NTM: variants seen among roughly 807,000 people sequenced by gnomAD.
The protein encoded by NTM is neurotrimin, also known as IgLON family member 2.
In NTM, 13 loss-of-function variants were observed where a neutral mutation model predicts 42.1. The observed-to-expected ratio is 0.31, with a 90% confidence interval of 0.20 to 0.49. The LOEUF is 0.49. NTM is among the 20% of genes least tolerant of loss of function. The pLI is 0.99. For missense variants in NTM, 373 were observed against 452.8 expected (o/e 0.82, Z 1.60); for synonymous variants, 187 against 179.2 (o/e 1.04, Z -0.35).
At chr11:131,809,192 T>C (rs939909005) in intron 1 of NTM, among the ~76,000 whole-genome samples, 2 of 152,232 alleles carry the variant, frequency 1.3e-5, no homozygotes, top group African/African-American at 2.4e-5. Context: ...CTTTAGTCCC[T>C]TCCAGGATTT....
At chr11:131,928,200 G>C (rs1353966713) in intron 2 of NTM, among the ~76,000 whole-genome samples, 1 of 151,718 alleles carries the variant, frequency 6.6e-6, no homozygotes, top group East Asian at 1.9e-4. Flanking sequence ...TGCTTTACAA[G>C]GGTTACCCAA....
chr11:132,094,206 T>C (rs187450004), intron 2 of NTM, among the ~76,000 whole-genome samples: 221 of 152,304 alleles, frequency 1.5e-3, no homozygotes, highest in Non-Finnish European at 2.6e-3. Flanking sequence ...AGGCTGAACT[T>C]AAAATATATA....
intron 1 of NTM, among the ~76,000 whole-genome samples, chr11:131,386,253 A>G (rs982039098): frequency 2.6e-5 from 4 of 152,234 alleles, no homozygotes; most frequent in Admixed American, 1.3e-4. Context: ...ACTTTCACGA[A>G]GTACCTAGGG....
chr11:132,009,872 A>G lies in NTM; in HGVS notation c.167+98224A>G, dbSNP rs964985454. On this transcript the variant is annotated intron_variant, in intron 2 of 8. Coordinates refer to ENST00000683400, the MANE Select transcript of NTM (RefSeq NM_001352005.2). ...TCAGAGGAACAGAAGGATGGAGAAG[A>G]GAGACCATATTTTGTGGTTTAAGGA... Among the ~76,000 whole-genome samples, 3 of 152,216 alleles carry G rather than the reference A, an allele frequency of 2.0e-5. No homozygotes were observed. The South Asian group carries it at 6.2e-4, about 32-fold the overall frequency.
At chr11:131,548,103 G>T (rs2054180381) in intron 1 of NTM, among the ~76,000 whole-genome samples, 1 of 152,184 alleles carries the variant, frequency 6.6e-6, no homozygotes, top group African/African-American at 2.4e-5. Flanking sequence ...GTGAAATAGG[G>T]ATAATAATAC....
Position 132,146,327 on chromosome 11 carries a change from C to T in NTM, c.213C>T (p.Arg71=). The part of the protein sequence containing the change: ...NRVTRVAWLN[R]STILYAGNDK... ...TCACCCGGGTGGCCTGGCTAAACCG[C>T]AGCACCATCCTCTATGCTGGGAATG... Residue 71 remains arginine, a synonymous_variant, in exon 3 of 9, where the codon CGC becomes CGT. Transcript: ENST00000683400. The surrounding 1 kb of genome is among the most constrained non-coding windows in gnomAD (Gnocchi z 4.5). 1.2e-6 allele frequency: 2 copies of T among 1,614,236 alleles called. No homozygotes were observed. The highest frequency in any genetic ancestry group is 1.7e-6 in the Non-Finnish European group (2 of 1,180,044).
chr11:131,395,544 G>A (rs913747034), intron 1 of NTM, among the ~76,000 whole-genome samples: 1 of 152,038 alleles, frequency 6.6e-6, no homozygotes, highest in Admixed American at 6.6e-5. Context: ...AACTCCTGTG[G>A]CTATTTATAA....
intron 1 of NTM, among the ~76,000 whole-genome samples, chr11:131,793,752 C>T (rs1036365688): frequency 6.6e-6 from 1 of 152,164 alleles, no homozygotes; most frequent in Non-Finnish European, 1.5e-5. Context: ...AGTTAGAGGT[C>T]CTGGCAGAAG....
chr11:131,960,010 G>A (rs1457047344), intron 2 of NTM, among the ~76,000 whole-genome samples: 1 of 152,202 alleles, frequency 6.6e-6, no homozygotes, highest in East Asian at 1.9e-4. Flanking sequence ...AGGCAGTGGA[G>A]GGTAGTTGTG....
At chr11:132,303,297 C>G (rs772494240) in intron 4 of NTM, among the ~76,000 whole-genome samples, 20 of 152,338 alleles carry the variant, frequency 1.3e-4, no homozygotes, top group African/African-American at 4.8e-4. Flanking sequence ...GGACCATGCT[C>G]TCTCTGACAG....
intron 7 of NTM, among the ~76,000 whole-genome samples, chr11:132,315,269 C>A (rs895985137): frequency 6.6e-6 from 1 of 152,206 alleles, no homozygotes; most frequent in East Asian, 1.9e-4. Flanking sequence ...CGTCACATAT[C>A]TGGCTACTGT....
At chr11:131,832,491 C>G (rs1284244413) in intron 1 of NTM, among the ~76,000 whole-genome samples, 2 of 152,136 alleles carry the variant, frequency 1.3e-5, no homozygotes, top group Non-Finnish European at 1.5e-5. Flanking sequence ...TACTATAAGC[C>G]TTAATTTTAA....
At chr11:132,047,877 T>C (rs1050565461) in intron 2 of NTM, among the ~76,000 whole-genome samples, 1 of 152,222 alleles carries the variant, frequency 6.6e-6, no homozygotes. Context: ...AGACCTCCTG[T>C]TGAGGTCAAA....
intron 1 of NTM, among the ~76,000 whole-genome samples, chr11:131,720,174 C>T (rs2078168850): frequency 6.6e-6 from 1 of 152,158 alleles, no homozygotes; most frequent in South Asian, 2.1e-4. Context: ...ATACATTGTG[C>T]CAGGTAGTGT....
At chr11:131,377,884 A>G (rs1942180528) in intron 1 of NTM, among the ~76,000 whole-genome samples, 1 of 152,206 alleles carries the variant, frequency 6.6e-6, no homozygotes. Context: ...ATGAACAAGA[A>G]CAGGTAATTA....
intron 1 of NTM, among the ~76,000 whole-genome samples, chr11:131,713,786 G>T (rs1209885604): frequency 6.6e-6 from 1 of 152,174 alleles, no homozygotes; most frequent in Admixed American, 6.5e-5. Flanking sequence ...AGGGGCATAA[G>T]GCAGGAGAGA....
intron 1 of NTM, among the ~76,000 whole-genome samples, chr11:131,849,426 G>A (rs530222330): frequency 2.6e-5 from 4 of 152,174 alleles, no homozygotes; most frequent in Admixed American, 6.5e-5. Context: ...GAGCAGACAC[G>A]ACAGTGGTGA....
At chr11:132,253,236 C>T (rs181655859) in intron 4 of NTM, among the ~76,000 whole-genome samples, 4 of 152,214 alleles carry the variant, frequency 2.6e-5, no homozygotes, top group Admixed American at 1.3e-4. Context: ...CTGTTAATCT[C>T]CTAGGTGCTT....
At chr11:131,781,346 T>C (rs2088081385) in intron 1 of NTM, among the ~76,000 whole-genome samples, 2 of 151,948 alleles carry the variant, frequency 1.3e-5, no homozygotes, top group African/African-American at 2.4e-5. Flanking sequence ...TAAAAACAAA[T>C]CATACTGAAT....
Sources: gnomAD v4.1 joint callset for allele counts (sites outside exome capture counted in the v4.1 genomes callset) on GRCh38, gnomAD v4.1.1 for gene constraint, Gnocchi (gnomAD v3.1) non-coding constraint, MANE v1.5 for transcripts, NCBI Gene and HGNC (gene_info 2026-07-23, HGNC 2026-07-21) for gene names.